Variants in DLG2 observed in about 807,000 individuals in gnomAD.
DLG2 encodes disks large homolog 2.
DLG2 carries 45 observed loss-of-function variants against 132.5 expected under a neutral mutation model. That is an observed-to-expected ratio of 0.34 (90% confidence interval 0.27 to 0.44). The LOEUF (loss-of-function observed/expected upper bound fraction) is 0.44. Among genes scored for constraint, DLG2 ranks in the 20% least tolerant of loss-of-function variants. DLG2 has a pLI of 1.00. For synonymous variants in DLG2, 424 were observed against 419.6 expected (o/e 1.01, Z -0.13); for missense variants, 1,045 against 1,196.9 (o/e 0.87, Z 1.87).
intron 3 of DLG2, among the ~76,000 whole-genome samples, chr11:85,541,271 A>G (rs1276245001): frequency 1.3e-5 from 2 of 152,116 alleles, no homozygotes; most frequent in Non-Finnish European, 2.9e-5. Context: ...TTTAATACTT[A>G]TGTATTTATA....
chr11:85,111,475 A>G (rs1448086625), intron 6 of DLG2, among the ~76,000 whole-genome samples, 186 bp downstream of exon 6: 4 of 152,134 alleles, frequency 2.6e-5, no homozygotes, highest in African/African-American at 7.2e-5. Context: ...AACAAAATGC[A>G]TGGAATCCCT....
chr11:83,471,189 T>A (rs1398809046), intron 24 of DLG2, among the ~76,000 whole-genome samples: 1 of 152,226 alleles, frequency 6.6e-6, no homozygotes, highest in Non-Finnish European at 1.5e-5. Context: ...GGAAAGCCTA[T>A]TGGGTTTTGG....
chr11:83,524,678 A>G (rs986602078), intron 21 of DLG2, among the ~76,000 whole-genome samples: 1 of 152,050 alleles, frequency 6.6e-6, no homozygotes, highest in African/African-American at 2.4e-5. Context: ...CTGGTTTCCA[A>G]CTTCTCTGCG....
intron 18 of DLG2, among the ~76,000 whole-genome samples, chr11:83,753,995 C>G (rs556625998): frequency 6.8e-6 from 1 of 147,806 alleles, no homozygotes. Flanking sequence ...GGCAGTAATA[C>G]AACAATTCAA....
intron 21 of DLG2, among the ~76,000 whole-genome samples, chr11:83,507,372 G>C (rs1045273546): frequency 6.7e-6 from 1 of 149,744 alleles, no homozygotes; most frequent in African/African-American, 2.5e-5. Flanking sequence ...CTGTATTAGG[G>C]TTCTCTAGAG....
chr11:84,952,834 A>T (rs560701041), intron 6 of DLG2, among the ~76,000 whole-genome samples: 1 of 152,348 alleles, frequency 6.6e-6, no homozygotes, highest in African/African-American at 2.4e-5. Flanking sequence ...ACCAATTCAG[A>T]CCTAAAGATG....
chr11:83,713,478 G>T (rs941697491), intron 18 of DLG2, among the ~76,000 whole-genome samples: 1 of 152,142 alleles, frequency 6.6e-6, no homozygotes, highest in African/African-American at 2.4e-5. Flanking sequence ...TTAAATGTAG[G>T]GTTCATGTTC....
chr11:83,655,691 G>C (rs891058667), intron 18 of DLG2, among the ~76,000 whole-genome samples: 1 of 152,160 alleles, frequency 6.6e-6, no homozygotes, highest in African/African-American at 2.4e-5. Flanking sequence ...AATTTTAATT[G>C]AGAGTGTTTA....
chr11:85,203,582 G>T (rs533738642), intron 4 of DLG2, among the ~76,000 whole-genome samples: 10 of 152,030 alleles, frequency 6.6e-5, no homozygotes, highest in Non-Finnish European at 1.3e-4. Flanking sequence ...CCTAGGACCT[G>T]ATGGCTTCAC....
chr11:84,661,349 G>A (rs527383326), intron 6 of DLG2, among the ~76,000 whole-genome samples: 1 of 152,270 alleles, frequency 6.6e-6, no homozygotes, highest in South Asian at 2.1e-4. Flanking sequence ...GCAATATAAT[G>A]TAGCTGAGAA....
chr11:85,592,660 C>T (rs2079439178), intron 3 of DLG2, among the ~76,000 whole-genome samples: 1 of 152,034 alleles, frequency 6.6e-6, no homozygotes, highest in African/African-American at 2.4e-5. Context: ...TTTAGATATT[C>T]TATTGTAAGG....
chr11:83,489,518 A>G lies in DLG2; in HGVS notation c.2194-5290T>C, dbSNP rs576900428. 2.6e-5 allele frequency among the ~76,000 whole-genome samples: 4 copies of G among 152,004 alleles called. No homozygotes were observed. In the South Asian group the frequency reaches 8.3e-4, roughly 31 times the overall value. On this transcript the variant is annotated intron_variant, in intron 21 of 27. Transcript: ENST00000376104. ...AGCAACAATTACAACAACCAAACCC[A>G]TCTGTGATACTTATGAGCCAATTTG... is the stretch of plus-strand genomic sequence containing the variant.
At chr11:84,918,410 G>C (rs1311652220) in intron 6 of DLG2, among the ~76,000 whole-genome samples, 4 of 152,120 alleles carry the variant, frequency 2.6e-5, no homozygotes, top group African/African-American at 9.7e-5. Flanking sequence ...TTCGAAGATA[G>C]ATATAGACAC....
chr11:83,499,850 GAGATATAT>G (rs370007483), intron 21 of DLG2, among the ~76,000 whole-genome samples: 1,753 of 58,728 alleles, frequency 0.03, 68 homozygotes, highest in Middle Eastern at 0.043. Flanking sequence ...CCACTAATAG[GAGATATAT>G]ATATATATAT....
At chr11:83,476,668 G>A (rs1377785954) in intron 22 of DLG2, among the ~76,000 whole-genome samples, 1 of 152,076 alleles carries the variant, frequency 6.6e-6, no homozygotes, top group African/African-American at 2.4e-5. Flanking sequence ...AAAGTTACTA[G>A]GTAAAATGTC....
rs752017709 is a variant in DLG2 at position 84,662,786 on chromosome 11, C to CAAAAAAA, written c.358-128062_358-128056dup. Among the ~76,000 whole-genome samples the CAAAAAAA allele has an allele frequency of 2.2e-3, 174 of 80,106 alleles. 1 individual carries two copies. The highest frequency in any genetic ancestry group is 8.3e-3 in the Middle Eastern group (1 of 120). 52.6% of individuals were successfully genotyped at this position (80,106 alleles called of 152,430 possible). ...TGGTCAATAGAGCAAGACTCTGTCA[C>CAAAAAAA]AAAAAAAAAAAAAAAAAAAAAGGCA... is the stretch of plus-strand genomic sequence containing the variant. On this transcript the variant is annotated intron_variant, in intron 6 of 27. Transcript: ENST00000376104.
chr11:84,592,893 C>G (rs2099546988), intron 6 of DLG2, among the ~76,000 whole-genome samples: 1 of 118,580 alleles, frequency 8.4e-6, no homozygotes, highest in Non-Finnish European at 1.6e-5. Context: ...GTCAGGAGAG[C>G]AAGACCATTC....
intron 4 of DLG2, among the ~76,000 whole-genome samples, chr11:85,272,635 G>C (rs191064229): frequency 1.4e-4 from 22 of 152,128 alleles, no homozygotes; most frequent in Non-Finnish European, 3.2e-4. Context: ...AACATTCCAT[G>C]CTCATGGATA....
chr11:84,086,621 C>T (rs1011409448), intron 10 of DLG2, among the ~76,000 whole-genome samples: 1 of 151,836 alleles, frequency 6.6e-6, no homozygotes, highest in African/African-American at 2.4e-5. Context: ...TCCCAAGTAG[C>T]TGAGGCTACA....
Sources: allele counts gnomAD v4.1 joint callset (sites outside exome capture counted in the v4.1 genomes callset), GRCh38; gene constraint gnomAD v4.1.1; transcripts MANE v1.5; gene names NCBI Gene and HGNC (gene_info 2026-07-23, HGNC 2026-07-21).